COL5A1: variants seen among roughly 807,000 people sequenced by gnomAD.
COL5A1 encodes the protein collagen type V alpha 1 chain.
COL5A1 carries 16 observed loss-of-function variants against 263.7 expected under a neutral mutation model. That is an observed-to-expected ratio of 0.06 (90% CI 0.04 to 0.09). The LOEUF (loss-of-function observed/expected upper bound fraction) is 0.09. Among genes scored for constraint, COL5A1 ranks in the 10% least tolerant of loss-of-function variants. The pLI, the probability that COL5A1 is intolerant of heterozygous loss-of-function variation, is 1.00. For missense variants in COL5A1, 2,036 were observed against 2,540.5 expected (o/e 0.80, Z 4.27); for synonymous variants, 1,012 against 1,004.5 (o/e 1.01, Z -0.14).
chr9:134,799,825 A>G (rs1838043704), intron 37 of COL5A1, among the ~76,000 whole-genome samples: 2 of 152,240 alleles, frequency 1.3e-5, no homozygotes, highest in Admixed American at 6.5e-5. Context: ...TCAAGGAGAC[A>G]AGATAGAAGG....
Position 134,765,766 on chromosome 9 carries a change from C to T in COL5A1, c.2088+32C>T, listed in dbSNP as rs1366543160. On this transcript the variant is annotated intron_variant, in intron 21 of 65. Coordinates refer to ENST00000371817, the MANE Select transcript of COL5A1 (RefSeq NM_000093.5). This position sits in a 1 kb window ranked among gnomAD's most constrained non-coding sequence, Gnocchi z 5.1. ...CCCATTACCGCCCTGCTTGTCTGCC[C>T]CCATCTCGGCCTTTGAGACCCCGCC... The T allele has an allele frequency of 6.3e-7, 1 of 1,593,786 alleles. No homozygotes were observed. The highest frequency in any genetic ancestry group is 1.1e-5 in the South Asian group (1 of 90,164).
In COL5A1 at chr9:134,767,299, C is replaced by A. The variant is rs760734470; in HGVS notation, c.2188-11C>A. The A allele has an allele frequency of 8.7e-6, 14 of 1,614,016 alleles. No individual in the cohort carries two copies. Among genetic ancestry groups the A allele is most frequent in the South Asian group, 1.1e-5 (1 of 91,078 alleles). ...CCTCACCTTCCCTTTCTGGCTCTTT[C>A]TCCCTCTTAGGGTCTTCCAGGCCCC... is the stretch of plus-strand genomic sequence containing the variant. On this transcript the variant is annotated splice_polypyrimidine_tract_variant and intron_variant, in intron 23 of 65. Transcript: ENST00000371817.
intron 37 of COL5A1, among the ~76,000 whole-genome samples, chr9:134,800,749 CAAAAAAAAAAA>C (rs397951217): frequency 6.1e-5 from 5 of 81,618 alleles, no homozygotes; most frequent in Admixed American, 3.2e-4. Flanking sequence ...CTGTCTCAAA[CAAAAAAAAAAA>C]AAAAAAAAAA....
rs770087004 is a variant in COL5A1, at chr9:134,677,123, C to T, written c.110-13789C>T. 3.9e-5 allele frequency among the ~76,000 whole-genome samples: 6 copies of T among 152,170 alleles called. No homozygotes were observed. The highest frequency in any genetic ancestry group is 8.8e-5 in the Non-Finnish European group (6 of 68,032). ...ACCAGGAAGCGGCGGTCCATCCCCT[C>T]GTGATTGGTGGCAGGGCCTCTCATC... On this transcript the variant is annotated intron_variant, in intron 1 of 65. Transcript: ENST00000371817. The surrounding 1 kb of genome is among the most constrained non-coding windows in gnomAD (Gnocchi z 4.4).
intron 62 of COL5A1, among the ~76,000 whole-genome samples, chr9:134,825,146 C>G (rs1839212593): frequency 6.6e-6 from 1 of 152,198 alleles, no homozygotes; most frequent in Non-Finnish European, 1.5e-5. Flanking sequence ...CCTCGTGTTC[C>G]TGACCTGTCA....
intron 37 of COL5A1, among the ~76,000 whole-genome samples, chr9:134,800,749 CAAAA>C (rs397951217): frequency 3.7e-5 from 3 of 81,616 alleles, no homozygotes; most frequent in South Asian, 6.1e-4. Context: ...CTGTCTCAAA[CAAAA>C]AAAAAAAAAA....
At chr9:134,803,611 G>A (rs909206040) in intron 39 of COL5A1, among the ~76,000 whole-genome samples, 3 of 152,102 alleles carry the variant, frequency 2.0e-5, no homozygotes, top group Non-Finnish European at 2.9e-5. Context: ...CTCCAGCCTG[G>A]TTAACACAAA....
chr9:134,723,026 A>G (rs796511126), intron 4 of COL5A1, among the ~76,000 whole-genome samples: 2 of 152,234 alleles, frequency 1.3e-5, no homozygotes, highest in Non-Finnish European at 2.9e-5. Context: ...AGGGGGCAGC[A>G]GCAGGTAGCT....
chr9:134,673,557 C>T (rs1832604334), intron 1 of COL5A1, among the ~76,000 whole-genome samples: 2 of 150,290 alleles, frequency 1.3e-5, no homozygotes, highest in East Asian at 2.0e-4. Flanking sequence ...AAATAATATA[C>T]AAAAATTAAG....
At chr9:134,694,608 A>T (rs1833396560) in intron 2 of COL5A1, among the ~76,000 whole-genome samples, 1 of 152,206 alleles carries the variant, frequency 6.6e-6, no homozygotes, top group Admixed American at 6.5e-5. Context: ...AGTCTTGCTG[A>T]GACCCAGCAG....
chr9:134,811,542 G>A lies in COL5A1; in HGVS notation c.3633G>A (p.Gln1211=). 1.3e-6 allele frequency: 2 copies of A among 1,588,092 alleles called. No homozygotes were observed. Among genetic ancestry groups the A allele is most frequent in the Non-Finnish European group, 1.7e-6 (2 of 1,166,694 alleles). ...GGGGCCAGCAGGGCCTTTTCGGGCA[G>A]AAAGGTGATGAAGGTCCCAGAGGCT... ...GPRGQQGLFG[Q]KGDEGPRGFP... Residue 1211 remains glutamine (Q), a synonymous_variant, in exon 46 of 66, where the codon CAG becomes CAA. Coordinates refer to ENST00000371817, the MANE Select transcript of COL5A1 (RefSeq NM_000093.5).
Position 134,741,891 on chromosome 9 carries a change from C to T in COL5A1, c.1494+3083C>T, listed in dbSNP as rs1000363212. ...CTCCCTTCCCCAAGGGCCGTCTGGC[C>T]GTGACCGGTTTGTGCCTTTTCTTCC... On this transcript the variant is annotated intron_variant, in intron 11 of 65. Transcript: ENST00000371817. The surrounding 1 kb of genome is among the most constrained non-coding windows in gnomAD (Gnocchi z 4.5). Among the ~76,000 whole-genome samples, 5 of 152,086 alleles carry T rather than the reference C, an allele frequency of 3.3e-5. No individual in the cohort carries two copies. Among genetic ancestry groups the T allele is most frequent in the African/African-American group, 9.7e-5 (4 of 41,428 alleles).
chr9:134,774,315 A>G (rs188719910), intron 26 of COL5A1, among the ~76,000 whole-genome samples: 2,187 of 152,146 alleles, frequency 0.014, 59 homozygotes, highest in African/African-American at 0.049. Flanking sequence ...GGGGGCTGGG[A>G]GGGAGGCGGT....
At chr9:134,759,505 G>GCA (rs200525031) in intron 18 of COL5A1, among the ~76,000 whole-genome samples, 1 of 97,276 alleles carries the variant, frequency 1.0e-5, no homozygotes, top group Non-Finnish European at 1.9e-5. Context: ...ATACACACAT[G>GCA]CACACACACA....
chr9:134,767,154 C>A, intron 23 of COL5A1, 101 bp downstream of exon 23: 2 of 1,460,010 alleles, frequency 1.4e-6, no homozygotes, highest in Non-Finnish European at 1.9e-6. Context: ...CTGTCCCCTC[C>A]AAGTAGCAGC....
chr9:134,690,871 T>C, intron 1 of COL5A1, 41 bp from the exon 2 acceptor site: 7 of 1,612,570 alleles, frequency 4.3e-6, no homozygotes, highest in Non-Finnish European at 5.9e-6. Context: ...GGTGCTCCTT[T>C]CCTCTCCGTG....
chr9:134,786,164 C>A, intron 31 of COL5A1, 116 bp downstream of exon 31: 2 of 1,002,022 alleles, frequency 2.0e-6, no homozygotes, highest in Non-Finnish European at 3.1e-6. Context: ...GATGTTCTGC[C>A]GATAACTTCT....
chr9:134,787,101 C>A (rs2132778450), intron 31 of COL5A1, among the ~76,000 whole-genome samples: 1 of 152,376 alleles, frequency 6.6e-6, no homozygotes, highest in African/African-American at 2.4e-5. Context: ...TAGCTGCTGA[C>A]CGCAGCATCG....
chr9:134,666,282 T>G (rs944321538), intron 1 of COL5A1, among the ~76,000 whole-genome samples: 3 of 152,158 alleles, frequency 2.0e-5, no homozygotes, highest in South Asian at 4.1e-4. Context: ...CTGAGGCTGG[T>G]ACCTACCTCT....
Sources: allele counts gnomAD v4.1 joint callset (sites outside exome capture counted in the v4.1 genomes callset), GRCh38; gene constraint gnomAD v4.1.1; non-coding constraint Gnocchi (gnomAD v3.1); transcripts MANE v1.5; gene names NCBI Gene and HGNC (gene_info 2026-07-23, HGNC 2026-07-21).